Variants in LILRA2 observed in about 807,000 individuals in gnomAD.
The protein encoded by LILRA2 is leukocyte immunoglobulin like receptor A2.
A neutral mutation model predicts 47.9 loss-of-function variants in LILRA2; 45 were observed. The observed-to-expected ratio is 0.94, with a 90% confidence interval of 0.74 to 1.20. The LOEUF is 1.20. Among genes scored for constraint, LILRA2 ranks in the 50% most tolerant of loss-of-function variants. LILRA2 has a pLI of 0.00. For missense variants in LILRA2, 651 were observed against 598.2 expected, an observed-to-expected ratio of 1.09 and a Z score of -0.92; for synonymous variants, 279 against 249.2, an observed-to-expected ratio of 1.12 and a Z score of -1.13.
intron 6 of LILRA2, chr19:54,577,816 T>C: frequency 2.6e-6 from 2 of 775,320 alleles, no homozygotes; most frequent in Non-Finnish European, 3.3e-6. Flanking sequence ...TCTAAAACTT[T>C]TAAAACAGTA....
chr19:54,575,775 G>C (rs769291512), intron 5 of LILRA2, 32 bp from the exon 6 acceptor site: 1 of 1,611,646 alleles, frequency 6.2e-7, no homozygotes, highest in Admixed American at 1.7e-5. Flanking sequence ...AACAAGGTGG[G>C]GCAGCCCCTC....
chr19:54,575,305 C>T lies in LILRA2; in HGVS notation c.705C>T (p.Ala235=). Residue 235 remains alanine, a synonymous_variant, in exon 5 of 8, where the codon GCC becomes GCT. Coordinates refer to ENST00000391738, the MANE Select transcript of LILRA2 (RefSeq NM_001130917.3). ...CAGTGCAGCCAGGTCCTATGGTGGC[C>T]CCTGGGGAGAGCCTGACCCTCCAGT... is the stretch of plus-strand genomic sequence containing the variant. ...SLSVQPGPMV[A]PGESLTLQCV... 6.2e-7 allele frequency: 1 copy of T among 1,613,956 alleles called. No homozygotes were observed.
intron 6 of LILRA2, among the ~76,000 whole-genome samples, chr19:54,582,948 A>G (rs182066669): frequency 6.6e-6 from 1 of 152,178 alleles, no homozygotes. Flanking sequence ...ACTGCTTTAA[A>G]TGTGTCCCAG....
chr19:54,586,755 T>C (rs568277152), intron 6 of LILRA2, among the ~76,000 whole-genome samples: 5 of 152,254 alleles, frequency 3.3e-5, no homozygotes, highest in African/African-American at 4.8e-5. Context: ...TGGGGACCAC[T>C]TACCATATCC....
chr19:54,575,936 G>A lies in LILRA2; in HGVS notation c.1082G>A (p.Gly361Asp). 1 of 1,580,424 alleles carries A rather than the reference G, an allele frequency of 6.3e-7. No individual in the cohort carries two copies. The highest frequency in any genetic ancestry group is 1.3e-5 in the African/African-American group (1 of 74,680). Residue 361 changes from glycine to aspartate, a missense_variant, in exon 6 of 8, where the codon GGC (glycine) becomes GAC (aspartate). Transcript: ENST00000391738. ...HTFLLTKEGA[G>D]HPPLHLRSEH... ...TTCCTTCTGACCAAGGAGGGGGCAG[G>A]CCATCCCCCACTGCATCTGAGATCA...
At position 54,575,492 on chromosome 19, in the gene LILRA2, G is replaced by A. The variant is rs761316592; in HGVS notation, c.892G>A (p.Ala298Thr). 4 of 1,613,026 alleles carry A rather than the reference G, an allele frequency of 2.5e-6. No individual in the cohort carries two copies. The highest frequency in any genetic ancestry group is 1.7e-5 in the Admixed American group (1 of 59,990). Reference protein sequence around the residue: ...SHGGQYRCYSAHNLSSEWSAP... With the variant: ...SHGGQYRCYSTHNLSSEWSAP... ...CGGGGGCCAGTACAGATGCTACAGT[G>A]CACACAACCTCTCCTCCGAGTGGTC... Residue 298 changes from alanine (A) to threonine (T), a missense_variant, in exon 5 of 8, where the codon GCA (alanine) becomes ACA (threonine). Coordinates refer to ENST00000391738, the MANE Select transcript of LILRA2 (RefSeq NM_001130917.3).
chr19:54,586,179 T>G (rs1373278198), intron 6 of LILRA2, among the ~76,000 whole-genome samples: 2 of 152,258 alleles, frequency 1.3e-5, no homozygotes, highest in Non-Finnish European at 2.9e-5. Context: ...ACACAGGTTC[T>G]ATACATTACA....
chr19:54,573,894 A>T lies in LILRA2; in HGVS notation c.16A>T (p.Thr6Ser). Residue 6 changes from threonine to serine, a missense_variant, in exon 1 of 8, where the codon ACG becomes TCG. Transcript: ENST00000391738. MTPIL[T>S]VLICLGLSLG... is the part of the protein sequence containing the mutation. ...AGGAGACGCCATGACCCCCATCCTCACGGTCCTGATCTGTCTCGGTGAGAT... is the reference window on the plus strand; with the variant it reads ...AGGAGACGCCATGACCCCCATCCTCTCGGTCCTGATCTGTCTCGGTGAGAT... 1.2e-6 allele frequency: 2 copies of T among 1,613,364 alleles called. No individual in the cohort carries two copies. The highest frequency in any genetic ancestry group is 4.5e-5 in the East Asian group (2 of 44,800).
chr19:54,580,158 G>A (rs981988226), intron 6 of LILRA2, among the ~76,000 whole-genome samples: 1 of 150,792 alleles, frequency 6.6e-6, no homozygotes, highest in East Asian at 1.9e-4. Context: ...AATAGGAGTG[G>A]TGAGAGAGGA....
upstream of LILRA2, chr19:54,573,440 G>C (rs2062206821): frequency 9.3e-7 from 1 of 1,074,058 alleles, no homozygotes; most frequent in South Asian, 1.2e-5. Flanking sequence ...GCCATGGTAA[G>C]GACCCCGCAA....
At chr19:54,576,594 G>A (rs533005666) in intron 6 of LILRA2, among the ~76,000 whole-genome samples, 7 of 152,410 alleles carry the variant, frequency 4.6e-5, no homozygotes, top group South Asian at 2.1e-4. Context: ...TGTGGTCTGC[G>A]TGGCTTCCTG....
intron 5 of LILRA2, 42 bp from the exon 6 acceptor site, chr19:54,575,765 A>G: frequency 6.2e-7 from 1 of 1,610,662 alleles, no homozygotes; most frequent in Non-Finnish European, 8.5e-7. Context: ...CTCAGCTCAG[A>G]ACAAGGTGGG....
chr19:54,585,345 A>T lies in LILRA2; in HGVS notation c.1256-1665A>T, dbSNP rs182713347. On this transcript the variant is annotated intron_variant, in intron 6 of 7. Transcript: ENST00000391738. ...ATCAGACAGGGACGTTTAAGTCTGC[A>T]GAAGCTACCTGCTGCCCTTTGTTCT... is the stretch of plus-strand genomic sequence containing the variant. 9.2e-5 allele frequency among the ~76,000 whole-genome samples: 14 copies of T among 152,340 alleles called. No homozygotes were observed. In the East Asian group the frequency reaches 2.1e-3, roughly 23 times the overall value.
intron 6 of LILRA2, among the ~76,000 whole-genome samples, chr19:54,581,581 T>C (rs1402125703): frequency 6.6e-6 from 1 of 150,652 alleles, no homozygotes; most frequent in African/African-American, 2.5e-5. Context: ...TTGGTACCAG[T>C]ACCATGCTGT....
At chr19:54,575,155 G>T (rs2062355679) in intron 4 of LILRA2, 101 bp from the exon 5 acceptor site, 3 of 1,550,030 alleles carry the variant, frequency 1.9e-6, no homozygotes, top group Admixed American at 1.9e-5. Flanking sequence ...AGGGCTCAGG[G>T]CTCCTGGGGC....
chr19:54,574,777 G>A lies in LILRA2; in HGVS notation c.399G>A (p.Val133=), dbSNP rs74551170. The A allele has an allele frequency of 3.4e-4, 544 of 1,614,264 alleles. 3 individuals are homozygous for A. In the East Asian group the frequency reaches 0.011, roughly 31 times the overall value. ...PTLSALPSPV[V]TSGGNVTLQC... is the part of the protein sequence containing the mutation. ...TCTCAGCTCTGCCCAGCCCTGTGGT[G>A]ACCTCAGGAGGGAACGTGACCCTCC... The change falls in exon 4 of 8, where the codon GTG becomes GTA. Residue 133 remains valine (V), a synonymous_variant. Transcript: ENST00000391738.
At chr19:54,582,960 G>T (rs1239015335) in intron 6 of LILRA2, among the ~76,000 whole-genome samples, 1 of 152,202 alleles carries the variant, frequency 6.6e-6, no homozygotes, top group Non-Finnish European at 1.5e-5. Context: ...GTGTCCCAGA[G>T]ATTCTGTTAT....
Position 54,575,964 on chromosome 19 carries a change from G to C in LILRA2, c.1110G>C (p.Glu370Asp). ...ATCCCCCACTGCATCTGAGATCAGA[G>C]CACCAAGCTCAGCAGAACCAGGCTG... ...AGHPPLHLRS[E>D]HQAQQNQAEF... Residue 370 changes from glutamate (E) to aspartate (D), a missense_variant, in exon 6 of 8, where the codon GAG (glutamate) becomes GAC (aspartate). By Grantham distance (45) the Glu-to-Asp change is conservative (BLOSUM62 2). Transcript: ENST00000391738. 1 of 1,614,040 alleles carries C rather than the reference G, an allele frequency of 6.2e-7. No individual in the cohort carries two copies. The highest frequency in any genetic ancestry group is 8.5e-7 in the Non-Finnish European group (1 of 1,179,976).
intron 6 of LILRA2, chr19:54,577,389 G>C: frequency 8.8e-7 from 1 of 1,136,588 alleles, no homozygotes; most frequent in Non-Finnish European, 1.1e-6. Flanking sequence ...GGCTGATGGA[G>C]GAGGAAGAGA....
Sources: gnomAD v4.1 joint callset for allele counts (sites outside exome capture counted in the v4.1 genomes callset) on GRCh38, gnomAD v4.1.1 for gene constraint, MANE v1.5 for transcripts, NCBI Gene and HGNC (gene_info 2026-07-23, HGNC 2026-07-21) for gene names.